Variants in TBC1D5 observed in about 807,000 individuals in gnomAD.
TBC1D5 encodes the protein TBC1 domain family, member 5.
Under a neutral mutation model 100.3 loss-of-function variants are expected in TBC1D5, and 75 were observed. The ratio of observed to expected loss-of-function variants is 0.75; its 90% CI spans 0.62 to 0.91. The LOEUF is 0.91. Among genes scored for constraint, TBC1D5 ranks in the 40% least tolerant of loss-of-function variants. TBC1D5 has a pLI of 0.00. For synonymous variants in TBC1D5, 323 were observed against 325.6 expected, an observed-to-expected ratio of 0.99 and a Z score of 0.09; for missense variants, 910 against 942.4, an observed-to-expected ratio of 0.97 and a Z score of 0.45.
At chr3:17,283,633 C>T (rs1431738305) in intron 15 of TBC1D5, among the ~76,000 whole-genome samples, 1 of 152,098 alleles carries the variant, frequency 6.6e-6, no homozygotes, top group African/African-American at 2.4e-5. Context: ...TTTAAGACTA[C>T]TTGGAACTTC....
At chr3:17,455,286 A>G (rs1559923159) in intron 3 of TBC1D5, among the ~76,000 whole-genome samples, 1 of 146,808 alleles carries the variant, frequency 6.8e-6, no homozygotes, top group African/African-American at 2.5e-5. Context: ...GTGTGTATAT[A>G]TGTATATATG....
At chr3:17,527,918 T>C (rs1318555378) in intron 2 of TBC1D5, among the ~76,000 whole-genome samples, 1 of 152,242 alleles carries the variant, frequency 6.6e-6, no homozygotes, top group Non-Finnish European at 1.5e-5. Flanking sequence ...TATATTTGTA[T>C]ATCCAAACCT....
At chr3:17,566,731 A>G (rs902036279) in intron 2 of TBC1D5, among the ~76,000 whole-genome samples, 18 of 151,862 alleles carry the variant, frequency 1.2e-4, no homozygotes, top group African/African-American at 4.3e-4. Flanking sequence ...ATATACATAA[A>G]TAAAATTTAT....
chr3:17,537,485 A>C (rs1033772647), intron 2 of TBC1D5, among the ~76,000 whole-genome samples: 2 of 152,148 alleles, frequency 1.3e-5, no homozygotes, highest in Admixed American at 1.3e-4. Context: ...TTCTTGGCCA[A>C]GAGGGGGTCT....
At chr3:17,680,772 A>G (rs910245541) in intron 1 of TBC1D5, among the ~76,000 whole-genome samples, 1 of 151,516 alleles carries the variant, frequency 6.6e-6, no homozygotes, top group East Asian at 1.9e-4. Flanking sequence ...AGGCTCCTAT[A>G]TATCACTATT....
intron 1 of TBC1D5, among the ~76,000 whole-genome samples, chr3:17,640,049 C>T (rs1308236876): frequency 6.6e-6 from 1 of 152,132 alleles, no homozygotes; most frequent in Non-Finnish European, 1.5e-5. Flanking sequence ...CCCCCTTCAC[C>T]TCTACAGAGA....
intron 2 of TBC1D5, among the ~76,000 whole-genome samples, chr3:17,519,534 T>C (rs2096037735): frequency 6.6e-6 from 1 of 152,200 alleles, no homozygotes; most frequent in South Asian, 2.1e-4. Context: ...TCCACCCTAA[T>C]ATTAACCATT....
chr3:17,198,687 G>T (rs1027582378), intron 18 of TBC1D5, among the ~76,000 whole-genome samples: 2 of 152,152 alleles, frequency 1.3e-5, no homozygotes, highest in Admixed American at 6.5e-5. Flanking sequence ...TCAACCTGGG[G>T]AAGAGTTCGT....
At chr3:17,530,290 C>T (rs904576327) in intron 2 of TBC1D5, among the ~76,000 whole-genome samples, 5 of 148,570 alleles carry the variant, frequency 3.4e-5, no homozygotes, top group African/African-American at 1.2e-4. Flanking sequence ...ACCTAAAATG[C>T]GTAATTCAAC....
At chr3:17,647,661 A>G (rs1399653244) in intron 1 of TBC1D5, among the ~76,000 whole-genome samples, 1 of 152,142 alleles carries the variant, frequency 6.6e-6, no homozygotes, top group East Asian at 1.9e-4. Context: ...GAAGGAGCAG[A>G]ATTAGTGCAG....
chr3:17,605,590 G>A (rs2061287885), intron 2 of TBC1D5, among the ~76,000 whole-genome samples: 1 of 152,140 alleles, frequency 6.6e-6, no homozygotes, highest in Admixed American at 6.5e-5. Context: ...GAAAAGGATA[G>A]TCTTTTTTAG....
chr3:17,396,451 T>C (rs2093506737), intron 8 of TBC1D5, among the ~76,000 whole-genome samples: 1 of 152,018 alleles, frequency 6.6e-6, no homozygotes, highest in Non-Finnish European at 1.5e-5. Context: ...CAATAAAAAA[T>C]GGGCTTGGAG....
chr3:17,729,611 G>A (rs965967551), intron 1 of TBC1D5, among the ~76,000 whole-genome samples: 11 of 152,154 alleles, frequency 7.2e-5, no homozygotes, highest in African/African-American at 7.2e-5. Flanking sequence ...GGAGGCTGAC[G>A]CAGGAGAATC....
chr3:17,379,458 T>TAC (rs1183398503), intron 9 of TBC1D5, among the ~76,000 whole-genome samples: 1 of 152,116 alleles, frequency 6.6e-6, no homozygotes, highest in Non-Finnish European at 1.5e-5. Flanking sequence ...TAGTTTCTGT[T>TAC]ACACCACTCT....
intron 2 of TBC1D5, among the ~76,000 whole-genome samples, chr3:17,599,895 TG>T (rs1167639620): frequency 6.6e-6 from 1 of 152,160 alleles, no homozygotes; most frequent in African/African-American, 2.4e-5. Context: ...GGGAAAAGGT[TG>T]ATCAGGGAAA....
intron 1 of TBC1D5, among the ~76,000 whole-genome samples, chr3:17,722,767 A>G (rs773081196): frequency 2.6e-5 from 4 of 152,214 alleles, no homozygotes; most frequent in Non-Finnish European, 4.4e-5. Context: ...TAAGTGGTGG[A>G]GCCAGATTTT....
Position 17,161,164 on chromosome 3 carries a change from G to GCT in TBC1D5, c.2186_2187insAG (p.Ser730AlafsTer34). 4 of 1,614,216 alleles carry GCT rather than the reference G, an allele frequency of 2.5e-6. No individual in the cohort carries two copies. Among genetic ancestry groups the GCT allele is most frequent in the Non-Finnish European group, 3.4e-6 (4 of 1,180,038 alleles). Reference sequence around the variant, plus strand: ...GAGGCTGGGCCTGGCCGGAGAAGGAGCCCCTGGCACTGCTCCCATCATCAT... The same window carrying GCT: ...GAGGCTGGGCCTGGCCGGAGAAGGAGCTCCCCTGGCACTGCTCCCATCATCAT... On this transcript the variant is annotated frameshift_variant, in exon 22 of 22. Transcript: ENST00000253692. LOFTEE classifies it high-confidence loss of function.
At chr3:17,378,769 T>C (rs2092810965) in intron 9 of TBC1D5, among the ~76,000 whole-genome samples, 1 of 148,176 alleles carries the variant, frequency 6.7e-6, no homozygotes, top group Admixed American at 6.7e-5. Flanking sequence ...ACAGTTTCCT[T>C]TTTTTTTTTT....
chr3:17,706,306 G>A (rs543365514), intron 1 of TBC1D5: 5 of 1,511,980 alleles, frequency 3.3e-6, no homozygotes, highest in Non-Finnish European at 4.5e-6. Context: ...CACCTTTTCT[G>A]TTCAAACCAG....
Sources: allele counts gnomAD v4.1 joint callset (sites outside exome capture counted in the v4.1 genomes callset), GRCh38; gene constraint gnomAD v4.1.1; transcripts MANE v1.5; gene names NCBI Gene and HGNC (gene_info 2026-07-23, HGNC 2026-07-21).